The following THSD7B variants were observed in gnomAD, a reference collection of about 807,000 sequenced individuals.
THSD7B encodes thrombospondin type 1 domain containing 7B.
A neutral mutation model predicts 213.6 loss-of-function variants in THSD7B; 138 were observed. That is an observed-to-expected ratio of 0.65 (90% CI 0.56 to 0.74). THSD7B has a LOEUF of 0.74. THSD7B is among the 30% of genes least tolerant of loss of function. The pLI is 0.00. For synonymous variants in THSD7B, 742 were observed against 687.0 expected, an observed-to-expected ratio of 1.08 and a Z score of -1.25; for missense variants, 1,931 against 1,991.5, an observed-to-expected ratio of 0.97 and a Z score of 0.58.
intron 15 of THSD7B, among the ~76,000 whole-genome samples, chr2:137,540,362 G>GCGC (rs1680587678): frequency 6.6e-6 from 1 of 151,678 alleles, no homozygotes; most frequent in Non-Finnish European, 1.5e-5. Context: ...AATCTGGAGA[G>GCGC]CGCTTACTCA....
Position 136,901,548 on chromosome 2 carries a change from GA to G in THSD7B, c.139+19233del, listed in dbSNP as rs570472979. Among the ~76,000 whole-genome samples the G allele has an allele frequency of 1.2e-4, 19 of 152,308 alleles. No homozygotes were observed. In the South Asian group the frequency reaches 3.1e-3, roughly 25 times the overall value. ...AGATGAATGGAAATGGGAAATTTGA[GA>G]AGAATTTTATAGCTATTTAAACACT... is the stretch of plus-strand genomic sequence containing the variant. On this transcript the variant is annotated intron_variant, in intron 2 of 27. Coordinates refer to ENST00000409968, the MANE Select transcript of THSD7B (RefSeq NM_001316349.2).
intron 7 of THSD7B, among the ~76,000 whole-genome samples, chr2:137,199,122 A>G (rs1056714123): frequency 6.6e-6 from 1 of 152,196 alleles, no homozygotes; most frequent in Non-Finnish European, 1.5e-5. Flanking sequence ...CTGCTCTCCC[A>G]TTCTACAAGC....
intron 1 of THSD7B, among the ~76,000 whole-genome samples, chr2:136,809,150 A>T (rs1403605144): frequency 6.6e-6 from 1 of 152,214 alleles, no homozygotes; most frequent in Non-Finnish European, 1.5e-5. Context: ...TAAAGTAATG[A>T]TAAATGTCAT....
chr2:137,630,146 A>G (rs754327023), intron 20 of THSD7B, among the ~76,000 whole-genome samples: 5 of 152,082 alleles, frequency 3.3e-5, no homozygotes, highest in Admixed American at 6.6e-5. Flanking sequence ...GGCACATGCC[A>G]CCACACCTGA....
chr2:136,984,823 G>C (rs1685643813), intron 2 of THSD7B, among the ~76,000 whole-genome samples: 1 of 152,142 alleles, frequency 6.6e-6, no homozygotes, highest in Admixed American at 6.5e-5. Context: ...AATGCTGATA[G>C]AAAAATGGAC....
intron 2 of THSD7B, among the ~76,000 whole-genome samples, chr2:137,018,594 G>A (rs1319288350): frequency 6.6e-6 from 1 of 152,090 alleles, no homozygotes; most frequent in Non-Finnish European, 1.5e-5. Context: ...TAAATACAGA[G>A]TATAAACTTG....
chr2:137,512,819 A>G (rs1310777750), intron 15 of THSD7B, among the ~76,000 whole-genome samples: 3 of 152,162 alleles, frequency 2.0e-5, no homozygotes, highest in Admixed American at 1.3e-4. Context: ...CTCACAGCTA[A>G]TACTTACCCC....
chr2:137,223,263 G>A (rs149118730), intron 7 of THSD7B, among the ~76,000 whole-genome samples: 32 of 152,276 alleles, frequency 2.1e-4, no homozygotes, highest in Non-Finnish European at 2.9e-4. Context: ...CTAGAAATTC[G>A]CAGTGGCTGC....
intron 1 of THSD7B, among the ~76,000 whole-genome samples, chr2:136,829,576 C>G (rs1416127730): frequency 6.6e-6 from 1 of 152,142 alleles, no homozygotes; most frequent in African/African-American, 2.4e-5. Flanking sequence ...GTGGTCATAA[C>G]TTGGGTCCCC....
At chr2:137,011,057 C>G (rs1247926061) in intron 2 of THSD7B, among the ~76,000 whole-genome samples, 1 of 152,126 alleles carries the variant, frequency 6.6e-6, no homozygotes, top group Non-Finnish European at 1.5e-5. Flanking sequence ...TTTGATTTAT[C>G]TTCCTAATAG....
intron 15 of THSD7B, among the ~76,000 whole-genome samples, chr2:137,518,160 G>A (rs1327756447): frequency 6.6e-6 from 1 of 152,148 alleles, no homozygotes; most frequent in Non-Finnish European, 1.5e-5. Context: ...CTCCACTCCT[G>A]CCACCCTGCC....
At chr2:137,133,005 T>C (rs1688769675) in intron 5 of THSD7B, among the ~76,000 whole-genome samples, 1 of 152,222 alleles carries the variant, frequency 6.6e-6, no homozygotes, top group South Asian at 2.1e-4. Flanking sequence ...GGGTCATATA[T>C]TCAAACTCTT....
chr2:137,509,106 C>T lies in THSD7B; in HGVS notation c.3139-54115C>T, dbSNP rs575229441. Among the ~76,000 whole-genome samples, 35 of 152,274 alleles carry T rather than the reference C, an allele frequency of 2.3e-4. 1 individual carries two copies. The South Asian group carries it at 6.7e-3, about 29-fold the overall frequency. On this transcript the variant is annotated intron_variant, in intron 15 of 27. Transcript: ENST00000409968. The stretch of plus-strand genomic sequence containing the variant: ...TATTTCTTTTTCAGAATCATATGAA[C>T]GGTGCTGATACACTAATATTGCAGG...
At chr2:137,041,468 A>G (rs1558897005) in intron 2 of THSD7B, among the ~76,000 whole-genome samples, 1 of 151,746 alleles carries the variant, frequency 6.6e-6, no homozygotes, top group East Asian at 1.9e-4. Flanking sequence ...GTATGTGCCC[A>G]CAGAAGAATG....
At chr2:137,127,842 C>T (rs561331560) in intron 5 of THSD7B, among the ~76,000 whole-genome samples, 4 of 152,064 alleles carry the variant, frequency 2.6e-5, no homozygotes, top group South Asian at 2.1e-4. Context: ...TGCTTGAACC[C>T]GGGAGGCGGA....
At chr2:137,215,566 A>G (rs1049330241) in intron 7 of THSD7B, among the ~76,000 whole-genome samples, 3 of 152,158 alleles carry the variant, frequency 2.0e-5, no homozygotes, top group African/African-American at 2.4e-5. Flanking sequence ...TTAAGACACT[A>G]TAGTACATTT....
chr2:137,419,747 ATTTACCCAGGACTGTCTTCAG>A (rs1186800682), intron 14 of THSD7B, among the ~76,000 whole-genome samples: 1 of 151,784 alleles, frequency 6.6e-6, no homozygotes, highest in African/African-American at 2.4e-5. Context: ...TGGTCCGAGA[ATTTACCCAGGACTGTCTTCAG>A]CTTGAAGGTC....
At chr2:137,616,372 AT>A (rs1163627049) in intron 18 of THSD7B, 56 bp downstream of exon 18, 2 of 1,518,058 alleles carry the variant, frequency 1.3e-6, no homozygotes, top group Non-Finnish European at 1.8e-6. Context: ...TAATGAGAGA[AT>A]TTTTGCGTGG....
chr2:136,912,243 A>G (rs534784568), intron 2 of THSD7B, among the ~76,000 whole-genome samples: 159 of 145,478 alleles, frequency 1.1e-3, no homozygotes, highest in South Asian at 2.0e-3. Context: ...AATTGCTTGA[A>G]CCTGGGAGGT....
Sources: allele counts gnomAD v4.1 joint callset (sites outside exome capture counted in the v4.1 genomes callset), GRCh38; gene constraint gnomAD v4.1.1; transcripts MANE v1.5; gene names NCBI Gene and HGNC (gene_info 2026-07-23, HGNC 2026-07-21).